Variants in CNKSR2 observed in about 807,000 individuals in gnomAD.
CNKSR2 encodes CNK homolog protein 2.
In CNKSR2, 14 loss-of-function variants were observed where a neutral mutation model predicts 84.4. The observed-to-expected ratio is 0.17, with a 90% confidence interval of 0.11 to 0.26. The LOEUF (loss-of-function observed/expected upper bound fraction) is 0.26. Ranked by LOEUF, CNKSR2 falls within the 10% of genes least tolerant of loss-of-function variation. CNKSR2 has a pLI of 1.00. For missense variants in CNKSR2, 485 were observed against 771.2 expected (o/e 0.63, Z 4.40); for synonymous variants, 275 against 277.9 (o/e 0.99, Z 0.10).
At chrX:21,446,601 T>C (rs1421412997) in intron 4 of CNKSR2, among the ~76,000 whole-genome samples, 2 of 111,524 alleles carry the variant, frequency 1.8e-5, no homozygotes, top group Non-Finnish European at 3.8e-5. Flanking sequence ...AGACTTACTG[T>C]GTATCATATT....
chrX:21,471,416 C>G (rs1219903063), intron 5 of CNKSR2, among the ~76,000 whole-genome samples: 2 of 111,849 alleles, frequency 1.8e-5, no homozygotes, highest in African/African-American at 6.5e-5. Flanking sequence ...CTAGTTTGTC[C>G]TAATAACTTC....
intron 20 of CNKSR2, among the ~76,000 whole-genome samples, chrX:21,631,108 G>T (rs926558798): frequency 1.8e-5 from 2 of 110,794 alleles, no homozygotes. Flanking sequence ...GATTGCTTGA[G>T]CCCAGGAGTT....
At chrX:21,576,182 C>G (rs1472480556) in intron 13 of CNKSR2, among the ~76,000 whole-genome samples, 1 of 112,257 alleles carries the variant, frequency 8.9e-6, no homozygotes, top group Non-Finnish European at 1.9e-5. Context: ...AGTCATAAAA[C>G]AAACCTTAGC....
intron 13 of CNKSR2, among the ~76,000 whole-genome samples, chrX:21,572,576 G>T (rs1386386327): frequency 9.0e-6 from 1 of 111,495 alleles, no homozygotes; most frequent in Non-Finnish European, 1.9e-5. Context: ...AATCACGGCA[G>T]AAGAGGAAGC....
Position 21,653,506 on chromosome X carries a change from G to A in CNKSR2, c.*985G>A, listed in dbSNP as rs2092725431. ...TTAAACTTAGGTAATTATACTTCAG[G>A]TAGGGAAGTACAATATGTTTAGTTT... On this transcript the variant is annotated 3_prime_UTR_variant, in exon 22 of 22. Coordinates refer to ENST00000379510, the MANE Select transcript of CNKSR2 (RefSeq NM_014927.5). 1 of 109,801 alleles carries A rather than the reference G, an allele frequency of 9.1e-6. No homozygotes were observed. The highest frequency in any genetic ancestry group is 3.3e-5 in the African/African-American group (1 of 30,180). The allele number at this position is 109,801 out of a possible 1,213,427, so 9.0% of individuals were successfully genotyped here. A position where few individuals can be genotyped will look rare whatever the true frequency, so the allele number is the denominator to read the frequency against.
At chrX:21,384,587 A>G (rs1464737173) in intron 1 of CNKSR2, among the ~76,000 whole-genome samples, 1 of 112,022 alleles carries the variant, frequency 8.9e-6, no homozygotes, top group Non-Finnish European at 1.9e-5. Context: ...ATTGAAGATT[A>G]CTGTTAATAT....
intron 8 of CNKSR2, among the ~76,000 whole-genome samples, chrX:21,513,334 G>A (rs1315420644): frequency 8.9e-6 from 1 of 111,820 alleles, no homozygotes; most frequent in Admixed American, 9.5e-5. Context: ...CAGGTAGGCA[G>A]AGATGTAACG....
intron 11 of CNKSR2, among the ~76,000 whole-genome samples, chrX:21,550,553 A>C (rs1167460240): frequency 1.8e-5 from 2 of 112,305 alleles, no homozygotes; most frequent in African/African-American, 6.5e-5. Context: ...TTGACCCAGC[A>C]ATCCCATTAC....
rs2090910790 is a variant in CNKSR2 at position 21,450,287 on chromosome X, G to A, written c.519+9506G>A. Among the ~76,000 whole-genome samples the A allele has an allele frequency of 5.4e-5, 6 of 111,900 alleles. No homozygotes were observed. In the Admixed American group the frequency reaches 5.7e-4, roughly 11 times the overall value. Reference sequence around the variant, plus strand: ...TCTATGGAATATCTCTTTTCAAGGTGTACCAAATTAAGCCTAGATTTAAGA... The same window carrying A: ...TCTATGGAATATCTCTTTTCAAGGTATACCAAATTAAGCCTAGATTTAAGA... On this transcript the variant is annotated intron_variant, in intron 4 of 21. Transcript: ENST00000379510.
chrX:21,386,183 C>T (rs1259916194), intron 1 of CNKSR2, among the ~76,000 whole-genome samples: 1 of 111,415 alleles, frequency 9.0e-6, no homozygotes, highest in Non-Finnish European at 1.9e-5. Flanking sequence ...TTAAGATTTA[C>T]TCAGCAGTGG....
chrX:21,481,606 A>G lies in CNKSR2; in HGVS notation c.562-8853A>G, dbSNP rs1321767922. ...AAAGGTGAAGGAATTTCAAGGATGT[A>G]TTTAAGGTCTCTTGTCAGTTGACTT... On this transcript the variant is annotated intron_variant, in intron 5 of 21. Coordinates refer to ENST00000379510, the MANE Select transcript of CNKSR2 (RefSeq NM_014927.5). Among the ~76,000 whole-genome samples the G allele has an allele frequency of 1.8e-5, 2 of 111,382 alleles. 1 individual carries two copies. Among genetic ancestry groups the G allele is most frequent in the Non-Finnish European group, 3.8e-5 (2 of 53,057 alleles).
At chrX:21,546,412 A>T (rs1288855401) in intron 11 of CNKSR2, among the ~76,000 whole-genome samples, 2 of 109,808 alleles carry the variant, frequency 1.8e-5, no homozygotes, top group South Asian at 3.9e-4. Flanking sequence ...TCCAAGAAAT[A>T]TGAGACTATG....
intron 1 of CNKSR2, among the ~76,000 whole-genome samples, chrX:21,395,977 A>T (rs1027076497): frequency 8.9e-6 from 1 of 111,753 alleles, no homozygotes; most frequent in Non-Finnish European, 1.9e-5. Context: ...ACCTTTACAG[A>T]TTCTGTTTGG....
intron 2 of CNKSR2, among the ~76,000 whole-genome samples, chrX:21,432,170 T>C (rs922598639): frequency 1.8e-5 from 2 of 111,553 alleles, no homozygotes; most frequent in Non-Finnish European, 3.8e-5. Flanking sequence ...GTTGGTTGTG[T>C]TTATTTTCCT....
chrX:21,433,206 GTAAT>G (rs1317821584), intron 3 of CNKSR2, among the ~76,000 whole-genome samples: 1 of 111,354 alleles, frequency 9.0e-6, no homozygotes, highest in Non-Finnish European at 1.9e-5. Context: ...TTTTAAATAG[GTAAT>G]TAGACACTGA....
intron 11 of CNKSR2, among the ~76,000 whole-genome samples, chrX:21,550,968 G>A (rs1032379801): frequency 1.8e-5 from 2 of 108,421 alleles, no homozygotes; most frequent in Admixed American, 2.0e-4. Flanking sequence ...CCTGGGAAGC[G>A]GAGATTGCAG....
At chrX:21,503,924 C>A (rs1468399277) in intron 8 of CNKSR2, 1 of 111,302 alleles carries the variant, frequency 9.0e-6, no homozygotes, top group Non-Finnish European at 1.9e-5. Context: ...AACAGTTGGA[C>A]CAATTGGAAT....
intron 13 of CNKSR2, among the ~76,000 whole-genome samples, chrX:21,575,582 A>T (rs1326079816): frequency 9.0e-6 from 1 of 111,406 alleles, no homozygotes; most frequent in Non-Finnish European, 1.9e-5. Context: ...CTACCAGAAG[A>T]CTCTGAAAGG....
At chrX:21,423,859 C>T (rs906827963) in intron 1 of CNKSR2, 24 of 110,562 alleles carry the variant, frequency 2.2e-4, no homozygotes, top group Non-Finnish European at 4.4e-4. Flanking sequence ...AGTGTGATTT[C>T]ATTAGCCACT....
Sources: allele counts gnomAD v4.1 joint callset (sites outside exome capture counted in the v4.1 genomes callset), GRCh38; gene constraint gnomAD v4.1.1; transcripts MANE v1.5; gene names NCBI Gene and HGNC (gene_info 2026-07-23, HGNC 2026-07-21).